HTR4: variants seen among roughly 807,000 people sequenced by gnomAD.
HTR4 encodes the protein 5-hydroxytryptamine receptor 4.
A neutral mutation model predicts 36.8 loss-of-function variants in HTR4; 16 were observed. The observed-to-expected ratio is 0.43, with a 90% confidence interval of 0.29 to 0.66. The LOEUF is 0.66. Ranked by LOEUF, HTR4 falls within the 30% of genes least tolerant of loss-of-function variation. HTR4 has a pLI of 0.13. For missense variants in HTR4, 438 were observed against 490.9 expected (o/e 0.89, Z 1.02); for synonymous variants, 189 against 185.1 (o/e 1.02, Z -0.17).
chr5:148,626,602 C>A (rs1036319434), intron 2 of HTR4, among the ~76,000 whole-genome samples: 2 of 152,210 alleles, frequency 1.3e-5, no homozygotes, highest in African/African-American at 4.8e-5. Flanking sequence ...GAGTTCAGAT[C>A]AGAAAGGTGA....
At chr5:148,602,596 T>C (rs547372910) in intron 2 of HTR4, among the ~76,000 whole-genome samples, 31 of 152,020 alleles carry the variant, frequency 2.0e-4, no homozygotes, top group Non-Finnish European at 4.1e-4. Flanking sequence ...AAGCTAGAAA[T>C]TGAAAAGCAA....
chr5:148,528,790 A>T (rs1581429506), intron 4 of HTR4, among the ~76,000 whole-genome samples: 1 of 152,214 alleles, frequency 6.6e-6, no homozygotes, highest in East Asian at 1.9e-4. Context: ...ACTAGACAGA[A>T]TTAGCTAATT....
At chr5:148,569,010 AAAG>A (rs1478130834) in intron 2 of HTR4, among the ~76,000 whole-genome samples, 2 of 152,124 alleles carry the variant, frequency 1.3e-5, no homozygotes, top group Admixed American at 1.3e-4. Context: ...CATATAATAA[AAAG>A]TATACAGCCA....
At chr5:148,638,907 C>A (rs376980013) in intron 1 of HTR4, among the ~76,000 whole-genome samples, 9 of 151,584 alleles carry the variant, frequency 5.9e-5, no homozygotes, top group African/African-American at 1.9e-4. Context: ...ATTAGATGGG[C>A]GTGGTGATAT....
At chr5:148,592,318 A>G (rs1164895889) in intron 2 of HTR4, among the ~76,000 whole-genome samples, 1 of 152,152 alleles carries the variant, frequency 6.6e-6, no homozygotes, top group Non-Finnish European at 1.5e-5. Context: ...AATAATCTGT[A>G]CAACAAACTC....
At chr5:148,526,226 T>C (rs1313352177) in intron 4 of HTR4, among the ~76,000 whole-genome samples, 1 of 152,294 alleles carries the variant, frequency 6.6e-6, no homozygotes, top group South Asian at 2.1e-4. Context: ...CTAATAACAA[T>C]CTCTTGCTTG....
Position 148,571,800 on chromosome 5 carries a change from C to T in HTR4, c.27-21538G>A, listed in dbSNP as rs147167502. On this transcript the variant is annotated intron_variant, in intron 2 of 6. Transcript: ENST00000377888. ...GAGCAGCACAGGGGCAGAGGTGGCACACTAGTTCCCTATCAAGAAAATTAG... is the reference window on the plus strand; with the variant it reads ...GAGCAGCACAGGGGCAGAGGTGGCATACTAGTTCCCTATCAAGAAAATTAG... Among the ~76,000 whole-genome samples the T allele has an allele frequency of 5.0e-3, 763 of 152,144 alleles. 6 individuals carry two copies. The highest frequency in any genetic ancestry group is 0.018 in the African/African-American group (732 of 41,518).
chr5:148,589,332 C>G (rs1761470465), intron 2 of HTR4, among the ~76,000 whole-genome samples: 1 of 152,120 alleles, frequency 6.6e-6, no homozygotes, highest in Non-Finnish European at 1.5e-5. Context: ...TTGAACTCTC[C>G]CTTGAATAAG....
chr5:148,457,787 C>CATTAAAATATCATATATTTTGAT (rs1561558428), intron 5 of HTR4, among the ~76,000 whole-genome samples: 1 of 140,234 alleles, frequency 7.1e-6, no homozygotes. Flanking sequence ...TATATTTTGA[C>CATTAAAATATCATATATTTTGAT]ATATCATTAA....
At chr5:148,573,609 C>T (rs1239240010) in intron 2 of HTR4, among the ~76,000 whole-genome samples, 1 of 152,022 alleles carries the variant, frequency 6.6e-6, no homozygotes, top group Non-Finnish European at 1.5e-5. Context: ...ACTCACCCAA[C>T]TATAAGGAGG....
intron 5 of HTR4, among the ~76,000 whole-genome samples, chr5:148,466,851 T>C (rs1193172764): frequency 1.3e-5 from 2 of 152,362 alleles, no homozygotes; most frequent in East Asian, 3.9e-4. Flanking sequence ...CAACTTGATT[T>C]GTCTTGTATT....
chr5:148,556,551 C>T (rs566505458), intron 2 of HTR4, among the ~76,000 whole-genome samples: 1 of 152,170 alleles, frequency 6.6e-6, no homozygotes, highest in African/African-American at 2.4e-5. Flanking sequence ...TTCCTGACCT[C>T]ATGGGGTTCA....
At chr5:148,514,243 C>G (rs1261577808) in intron 5 of HTR4, among the ~76,000 whole-genome samples, 1 of 152,060 alleles carries the variant, frequency 6.6e-6, no homozygotes, top group African/African-American at 2.4e-5. Flanking sequence ...AATTGTATGT[C>G]AATGCCCTCT....
chr5:148,464,340 A>G (rs1187216400), intron 5 of HTR4, among the ~76,000 whole-genome samples: 3 of 152,246 alleles, frequency 2.0e-5, no homozygotes, highest in Non-Finnish European at 4.4e-5. Context: ...GACATACCTG[A>G]TACCAAAGGC....
chr5:148,458,167 T>A (rs1207727042), intron 5 of HTR4, among the ~76,000 whole-genome samples: 2 of 139,820 alleles, frequency 1.4e-5, no homozygotes, highest in African/African-American at 5.2e-5. Flanking sequence ...TTAAAATATA[T>A]TATATTTTAA....
intron 4 of HTR4, among the ~76,000 whole-genome samples, chr5:148,541,964 T>A (rs1404964190): frequency 6.6e-6 from 1 of 152,136 alleles, no homozygotes; most frequent in East Asian, 1.9e-4. Context: ...TAGCTTTTTT[T>A]TTTTCCTTCT....
At chr5:148,467,648 G>A (rs1047626780) in intron 5 of HTR4, among the ~76,000 whole-genome samples, 2 of 152,196 alleles carry the variant, frequency 1.3e-5, no homozygotes, top group Non-Finnish European at 2.9e-5. Context: ...TAGATTTTCA[G>A]AAACTGTATA....
At chr5:148,608,416 A>G (rs868652638) in intron 2 of HTR4, among the ~76,000 whole-genome samples, 1 of 152,218 alleles carries the variant, frequency 6.6e-6, no homozygotes, top group African/African-American at 2.4e-5. Context: ...AGATTGTGCC[A>G]TAACTAGCCA....
intron 4 of HTR4, among the ~76,000 whole-genome samples, chr5:148,538,996 C>T (rs905876802): frequency 1.3e-5 from 2 of 152,122 alleles, no homozygotes; most frequent in Non-Finnish European, 2.9e-5. Context: ...GCTACAGTAA[C>T]CAAAACAGCA....
Sources: allele counts gnomAD v4.1 joint callset (sites outside exome capture counted in the v4.1 genomes callset), GRCh38; gene constraint gnomAD v4.1.1; transcripts MANE v1.5; gene names NCBI Gene and HGNC (gene_info 2026-07-23, HGNC 2026-07-21).